Variants in KLF8 observed in about 807,000 individuals in gnomAD.
The protein encoded by KLF8 is KLF transcription factor 8.
A neutral mutation model predicts 18.2 loss-of-function variants in KLF8; 10 were observed. The observed-to-expected ratio is 0.55, with a 90% CI of 0.34 to 0.93. KLF8 has a LOEUF of 0.93. Ranked by LOEUF, KLF8 falls within the 40% of genes least tolerant of loss-of-function variation. KLF8 has a pLI of 0.02. For missense variants in KLF8, 264 were observed against 277.9 expected (o/e 0.95, Z 0.36); for synonymous variants, 109 against 97.3 (o/e 1.12, Z -0.71).
chrX:56,080,302 A>G, the KLF8 span, among the ~76,000 whole-genome samples: 8,917 of 110,232 alleles, frequency 0.081, 897 homozygotes, highest in African/African-American at 0.28. Context: ...GTTCCTTTCC[A>G]TGTTTAGTGC....
chrX:56,219,024 T>G, the KLF8 span, among the ~76,000 whole-genome samples: 1 of 112,167 alleles, frequency 8.9e-6, no homozygotes, highest in Non-Finnish European at 1.9e-5. Flanking sequence ...AACAACATTT[T>G]TTTAACAAGC....
the KLF8 span, among the ~76,000 whole-genome samples, chrX:55,949,515 C>G: frequency 1.8e-5 from 2 of 110,884 alleles, no homozygotes; most frequent in Non-Finnish European, 3.8e-5. Context: ...CAAGAAGCAC[C>G]GGGCATGGTG....
the KLF8 span, among the ~76,000 whole-genome samples, chrX:55,975,313 C>A: frequency 9.0e-6 from 1 of 111,290 alleles, no homozygotes. Flanking sequence ...AAGGGTAATG[C>A]AAATGTGGTG....
chrX:56,145,450 C>T, the KLF8 span, among the ~76,000 whole-genome samples: 1 of 112,298 alleles, frequency 8.9e-6, no homozygotes, highest in Non-Finnish European at 1.9e-5. Context: ...TATTTCACTC[C>T]CAGTTACATA....
chrX:56,262,267 T>A (rs761730814), intron 2 of KLF8, among the ~76,000 whole-genome samples: 24 of 112,036 alleles, frequency 2.1e-4, no homozygotes, highest in Non-Finnish European at 4.3e-4. Context: ...CTGTATCTCA[T>A]CAAGGCAATA....
chrX:55,954,111 G>A, the KLF8 span, among the ~76,000 whole-genome samples: 1 of 110,787 alleles, frequency 9.0e-6, no homozygotes, highest in South Asian at 3.8e-4. Flanking sequence ...TCAGTGATTA[G>A]AAGACAGATA....
chrX:55,929,005 C>G, the KLF8 span, among the ~76,000 whole-genome samples: 1 of 112,210 alleles, frequency 8.9e-6, no homozygotes, highest in Non-Finnish European at 1.9e-5. Context: ...AAAAGCATTC[C>G]TATTTCTCCA....
the KLF8 span, among the ~76,000 whole-genome samples, chrX:56,149,227 G>A: frequency 1.8e-5 from 2 of 111,306 alleles, no homozygotes; most frequent in African/African-American, 3.3e-5. Flanking sequence ...TATCTATGTC[G>A]GATATTTAGA....
the KLF8 span, among the ~76,000 whole-genome samples, chrX:56,008,118 C>CTATATATATATATATA: frequency 1.7e-4 from 17 of 99,815 alleles, no homozygotes; most frequent in African/African-American, 4.9e-4. Flanking sequence ...TAGTGCAAAG[C>CTATATATATATATATA]TATATATATA....
the KLF8 span, among the ~76,000 whole-genome samples, chrX:56,093,905 A>ATGTGTG: frequency 4.3e-3 from 385 of 88,995 alleles, 4 homozygotes; most frequent in Admixed American, 0.015. Flanking sequence ...TATATATTAT[A>ATGTGTG]TGTGTGTGTG....
At chrX:56,149,565 A>G in the KLF8 span, among the ~76,000 whole-genome samples, 8 of 111,163 alleles carry the variant, frequency 7.2e-5, no homozygotes, top group Non-Finnish European at 1.1e-4. Context: ...ACCTGCACAT[A>G]TACGCCCTGA....
At chrX:55,962,498 G>T in the KLF8 span, 1 of 192,087 alleles carries the variant, frequency 5.2e-6, no homozygotes, top group Non-Finnish European at 1.0e-5. Context: ...CTGGTGCAAG[G>T]AAACAGAAAC....
the KLF8 span, among the ~76,000 whole-genome samples, chrX:55,936,364 G>A: frequency 1.8e-5 from 2 of 112,462 alleles, no homozygotes; most frequent in African/African-American, 6.5e-5. Flanking sequence ...TTGTATTCTA[G>A]TGGTAAAAGA....
At chrX:56,003,015 T>C in the KLF8 span, among the ~76,000 whole-genome samples, 1 of 112,139 alleles carries the variant, frequency 8.9e-6, no homozygotes, top group African/African-American at 3.2e-5. Flanking sequence ...TTATTCACTT[T>C]TAGCTTTCAC....
chrX:56,024,369 G>A, the KLF8 span, among the ~76,000 whole-genome samples: 1 of 110,480 alleles, frequency 9.1e-6, no homozygotes, highest in African/African-American at 3.3e-5. Context: ...CACCACACTG[G>A]ACTAATTTTT....
the KLF8 span, among the ~76,000 whole-genome samples, chrX:55,952,676 G>A: frequency 2.7e-5 from 3 of 112,052 alleles, no homozygotes; most frequent in Non-Finnish European, 5.6e-5. Context: ...GGACATGTAA[G>A]GTAGCATATT....
chrX:56,058,294 A>G, the KLF8 span, among the ~76,000 whole-genome samples: 2 of 71,752 alleles, frequency 2.8e-5, no homozygotes, highest in South Asian at 7.6e-4. Flanking sequence ...ATATATATAT[A>G]TATATATATA....
chrX:56,148,387 T>C, the KLF8 span, among the ~76,000 whole-genome samples: 53 of 111,033 alleles, frequency 4.8e-4, no homozygotes, highest in Non-Finnish European at 8.7e-4. Flanking sequence ...TTATACCATT[T>C]CTTAAGAATA....
the KLF8 span, among the ~76,000 whole-genome samples, chrX:56,174,637 T>C: frequency 8.9e-6 from 1 of 112,099 alleles, no homozygotes; most frequent in Non-Finnish European, 1.9e-5. Context: ...GATTCCCTCT[T>C]TTTCTATTGA....
Sources: allele counts gnomAD v4.1 joint callset (sites outside exome capture counted in the v4.1 genomes callset), GRCh38; gene constraint gnomAD v4.1.1; transcripts MANE v1.5; gene names NCBI Gene and HGNC (gene_info 2026-07-23, HGNC 2026-07-21).